Variants in MCMDC2 observed in about 807,000 individuals in gnomAD.
MCMDC2 encodes the protein minichromosome maintenance domain containing 2.
Under a neutral mutation model 75.8 loss-of-function variants are expected in MCMDC2, and 54 were observed. The observed-to-expected ratio is 0.71, with a 90% CI of 0.57 to 0.89. The LOEUF is 0.89. Among genes scored for constraint, MCMDC2 ranks in the 40% least tolerant of loss-of-function variants. The probability of loss-of-function intolerance (pLI) is 0.00; values close to 1 mark genes in which losing one functional copy is unlikely to be tolerated. For missense variants in MCMDC2, 656 were observed against 780.4 expected (o/e 0.84, Z 1.90); for synonymous variants, 249 against 274.6 (o/e 0.91, Z 0.92).
At chr8:66,871,849 G>A (rs1230150027) in intron 1 of MCMDC2, among the ~76,000 whole-genome samples, 6 of 151,194 alleles carry the variant, frequency 4.0e-5, no homozygotes, top group South Asian at 4.2e-4. Flanking sequence ...GCAGCAAGCC[G>A]AGATCACGCC....
At chr8:66,882,105 A>G (rs554723134) in intron 8 of MCMDC2, among the ~76,000 whole-genome samples, 1 of 152,282 alleles carries the variant, frequency 6.6e-6, no homozygotes, top group South Asian at 2.1e-4. Context: ...GTAGATCTCC[A>G]TGCTATTACC....
intron 14 of MCMDC2, among the ~76,000 whole-genome samples, chr8:66,906,764 T>C (rs1812917815): frequency 6.6e-6 from 1 of 151,450 alleles, no homozygotes; most frequent in Non-Finnish European, 1.5e-5. Context: ...TTTTTTAAAT[T>C]ATTATTTATT....
At chr8:66,890,077 T>C (rs1043933345) in intron 9 of MCMDC2, among the ~76,000 whole-genome samples, 3 of 152,202 alleles carry the variant, frequency 2.0e-5, no homozygotes, top group Admixed American at 6.5e-5. Flanking sequence ...TTTGTTGTTG[T>C]TGTTTTTGAG....
chr8:66,876,728 T>G (rs1563366795), intron 4 of MCMDC2, among the ~76,000 whole-genome samples: 1 of 152,096 alleles, frequency 6.6e-6, no homozygotes, highest in South Asian at 2.1e-4. Flanking sequence ...TTTTATTTTA[T>G]TTATTTATTT....
downstream of MCMDC2, chr8:66,922,050 T>C (rs1813558762): frequency 6.5e-6 from 1 of 152,846 alleles, no homozygotes; most frequent in African/African-American, 2.4e-5. Context: ...TTTTCATCAT[T>C]TGCTTCTGTT....
chr8:66,922,586 A>C (rs1412801386), downstream of MCMDC2: 1 of 513,812 alleles, frequency 1.9e-6, no homozygotes, highest in Non-Finnish European at 3.9e-6. Context: ...AATACATCAC[A>C]TAACTAACAT....
chr8:66,892,548 G>A (rs1585878398), intron 10 of MCMDC2, among the ~76,000 whole-genome samples: 1 of 152,230 alleles, frequency 6.6e-6, no homozygotes. Context: ...CAGGCGGGTA[G>A]TCCCAACCTG....
chr8:66,895,478 C>T (rs1347405216), intron 10 of MCMDC2, among the ~76,000 whole-genome samples: 1 of 150,964 alleles, frequency 6.6e-6, no homozygotes, highest in Non-Finnish European at 1.5e-5. Flanking sequence ...GTCATCATAC[C>T]TCACTGCACC....
At chr8:66,899,422 A>G (rs1052661152) in intron 12 of MCMDC2, among the ~76,000 whole-genome samples, 1 of 152,186 alleles carries the variant, frequency 6.6e-6, no homozygotes, top group South Asian at 2.1e-4. Context: ...GCCTGGAGAG[A>G]GTTGTGGAGA....
intron 9 of MCMDC2, among the ~76,000 whole-genome samples, chr8:66,885,896 C>A (rs1357488025): frequency 1.3e-5 from 2 of 152,146 alleles, no homozygotes; most frequent in African/African-American, 4.8e-5. Context: ...CTCTCTTACT[C>A]AACAAAATAT....
At chr8:66,915,375 C>G (rs1813271882) in intron 14 of MCMDC2, among the ~76,000 whole-genome samples, 1 of 151,284 alleles carries the variant, frequency 6.6e-6, no homozygotes, top group African/African-American at 2.4e-5. Flanking sequence ...TCGCTTGAAT[C>G]TGGGAGGCAG....
chr8:66,896,372 T>C (rs1812353101), intron 11 of MCMDC2, 36 bp downstream of exon 11: 1 of 1,527,750 alleles, frequency 6.5e-7, no homozygotes, highest in African/African-American at 1.4e-5. Flanking sequence ...TAGAATGTTG[T>C]TCAAGGAATA....
At chr8:66,875,486 T>G (rs1472751068) in intron 4 of MCMDC2, among the ~76,000 whole-genome samples, 1 of 151,928 alleles carries the variant, frequency 6.6e-6, no homozygotes, top group African/African-American at 2.4e-5. Flanking sequence ...TCCATGTTGG[T>G]CAGGCTGGTC....
At chr8:66,906,699 G>GAT (rs1312404428) in intron 14 of MCMDC2, among the ~76,000 whole-genome samples, 1 of 151,254 alleles carries the variant, frequency 6.6e-6, no homozygotes, top group East Asian at 1.9e-4. Context: ...AGTTAGGGAG[G>GAT]ATATATATAT....
chr8:66,878,957 T>C (rs1811431600), intron 7 of MCMDC2, 38 bp downstream of exon 7: 1 of 1,294,924 alleles, frequency 7.7e-7, no homozygotes, highest in Non-Finnish European at 1.1e-6. Context: ...AAAATTGCTA[T>C]AAATATGTAA....
In MCMDC2 at chr8:66,896,203, C is replaced by T. The variant is rs1173905455; in HGVS notation, c.1313C>T (p.Pro438Leu). Residue 438 changes from proline to leucine, a missense_variant, in exon 11 of 15, where the codon CCA becomes CTA. Pro to Leu is a moderately conservative substitution (Grantham distance 98). Coordinates refer to ENST00000422365, the MANE Select transcript of MCMDC2 (RefSeq NM_173518.5). The stretch of plus-strand genomic sequence containing the variant: ...AGCAGAAGCATCACAGTGTACATCC[C>T]AGGAAAGAAGTTTGGGGAGGATATT... Reference protein sequence around the residue: ...LESRSITVYIPGKKFGEDIDQ... With the variant: ...LESRSITVYILGKKFGEDIDQ... The T allele has an allele frequency of 1.2e-6, 2 of 1,612,008 alleles. No homozygotes were observed. Among genetic ancestry groups the T allele is most frequent in the South Asian group, 1.1e-5 (1 of 90,334 alleles).
chr8:66,902,731 T>TAC (rs1812752259), intron 13 of MCMDC2, among the ~76,000 whole-genome samples: 1 of 140,708 alleles, frequency 7.1e-6, no homozygotes, highest in African/African-American at 2.6e-5. Flanking sequence ...TATATATATA[T>TAC]ATATATATAT....
intron 14 of MCMDC2, among the ~76,000 whole-genome samples, chr8:66,907,796 G>A (rs1405953799): frequency 2.6e-5 from 4 of 152,060 alleles, no homozygotes; most frequent in African/African-American, 9.7e-5. Flanking sequence ...TCTCATTGTG[G>A]TTTTGATTTG....
At position 66,897,619 on chromosome 8, in the gene MCMDC2, T is replaced by A. The variant is rs916687352; in HGVS notation, c.1626+660T>A. 5.3e-5 allele frequency among the ~76,000 whole-genome samples: 8 copies of A among 152,122 alleles called. No individual in the cohort carries two copies. The East Asian group carries it at 1.5e-3, about 29-fold the overall frequency. On this transcript the variant is annotated intron_variant, in intron 12 of 14. Transcript: ENST00000422365. ...GAAAATTATAATAGGCTATATACAG[T>A]TATCTGCATTTTACTGTCTATTCAA...
Sources: allele counts gnomAD v4.1 joint callset (sites outside exome capture counted in the v4.1 genomes callset), GRCh38; gene constraint gnomAD v4.1.1; transcripts MANE v1.5; gene names NCBI Gene and HGNC (gene_info 2026-07-23, HGNC 2026-07-21).